TBC1D5: variants seen among roughly 807,000 people sequenced by gnomAD.
TBC1D5 encodes the protein TBC1 domain family member 5.
TBC1D5 carries 75 observed loss-of-function variants against 100.3 expected under a neutral mutation model. The observed-to-expected ratio is 0.75, with a 90% CI of 0.62 to 0.91. The LOEUF (loss-of-function observed/expected upper bound fraction) is 0.91, where lower values mean the gene tolerates loss of function less well. Among genes scored for constraint, TBC1D5 ranks in the 40% least tolerant of loss-of-function variants. The pLI is 0.00. For missense variants in TBC1D5, 910 were observed against 942.4 expected (o/e 0.97, Z 0.45); for synonymous variants, 323 against 325.6 (o/e 0.99, Z 0.09).
chr3:17,179,184 C>T (rs551770949), intron 19 of TBC1D5, among the ~76,000 whole-genome samples: 11 of 152,276 alleles, frequency 7.2e-5, no homozygotes, highest in Admixed American at 1.3e-4. Context: ...ACTCTGCTAC[C>T]CGCAATAAAA....
At chr3:17,354,788 A>G (rs146779858) in intron 13 of TBC1D5, among the ~76,000 whole-genome samples, 1 of 152,134 alleles carries the variant, frequency 6.6e-6, no homozygotes, top group African/African-American at 2.4e-5. Flanking sequence ...AAGAAGTCAA[A>G]GTGCATAATT....
intron 18 of TBC1D5, among the ~76,000 whole-genome samples, chr3:17,204,956 T>A (rs947104384): frequency 2.6e-5 from 4 of 152,194 alleles, no homozygotes; most frequent in African/African-American, 9.6e-5. Context: ...AGATATATAG[T>A]CTACTCTTCC....
intron 13 of TBC1D5, among the ~76,000 whole-genome samples, chr3:17,323,327 T>A (rs1443253197): frequency 1.3e-5 from 2 of 152,194 alleles, no homozygotes; most frequent in African/African-American, 2.4e-5. Context: ...TGTAGACACA[T>A]ATTCACCATG....
Position 17,177,220 on chromosome 3 carries a change from A to G in TBC1D5, c.1852+7889T>C, listed in dbSNP as rs928226488. 9.8e-5 allele frequency among the ~76,000 whole-genome samples: 15 copies of G among 152,342 alleles called. No homozygotes were observed. In the South Asian group the frequency reaches 3.1e-3, roughly 32 times the overall value. On this transcript the variant is annotated intron_variant, in intron 19 of 21. Coordinates refer to ENST00000253692, the Ensembl canonical transcript of TBC1D5. ...GAAAGCAAAATGATGAAAGTTGGAC[A>G]GTCTGTACTGAGGCCCTATTATTGG...
intron 3 of TBC1D5, among the ~76,000 whole-genome samples, chr3:17,493,393 T>C (rs182472741): frequency 1.2e-4 from 19 of 152,282 alleles, no homozygotes; most frequent in Admixed American, 1.2e-3. Context: ...ATTTTGACCT[T>C]GGAGAATCTG....
chr3:17,254,747 GTCTT>G, intron 16 of TBC1D5, among the ~76,000 whole-genome samples: 1 of 110,452 alleles, frequency 9.1e-6, no homozygotes, highest in South Asian at 3.7e-4. Flanking sequence ...CCTACCCTTT[GTCTT>G]TACCGTGGCG....
At chr3:17,492,277 T>A (rs1349047988) in intron 3 of TBC1D5, among the ~76,000 whole-genome samples, 1 of 152,186 alleles carries the variant, frequency 6.6e-6, no homozygotes, top group Non-Finnish European at 1.5e-5. Context: ...TGTGTCTCTA[T>A]CTCCTTCAGT....
At chr3:17,688,552 G>C (rs984181175) in intron 1 of TBC1D5, among the ~76,000 whole-genome samples, 2 of 152,176 alleles carry the variant, frequency 1.3e-5, no homozygotes, top group Non-Finnish European at 2.9e-5. Context: ...CAATGGCATG[G>C]AGCATCTACA....
At chr3:17,693,032 T>A (rs901959972) in intron 1 of TBC1D5, among the ~76,000 whole-genome samples, 4 of 151,996 alleles carry the variant, frequency 2.6e-5, no homozygotes, top group Admixed American at 6.6e-5. Flanking sequence ...GCCCTGGGAG[T>A]GTAAAGTCCT....
intron 4 of TBC1D5, among the ~76,000 whole-genome samples, chr3:17,420,618 C>A (rs1204911684): frequency 6.6e-6 from 1 of 152,012 alleles, no homozygotes; most frequent in Non-Finnish European, 1.5e-5. Flanking sequence ...TATTTTTGAA[C>A]CCTAATTCTA....
chr3:17,184,305 A>G (rs2068764556), intron 19 of TBC1D5, among the ~76,000 whole-genome samples: 1 of 152,254 alleles, frequency 6.6e-6, no homozygotes, highest in African/African-American at 2.4e-5. Context: ...AAGGTCATGC[A>G]TTTCAGGCAG....
intron 1 of TBC1D5, among the ~76,000 whole-genome samples, chr3:17,646,622 T>C (rs952737031): frequency 6.6e-6 from 1 of 152,164 alleles, no homozygotes; most frequent in Non-Finnish European, 1.5e-5. Flanking sequence ...ATCACCATCA[T>C]GCCCCTGGAC....
intron 3 of TBC1D5, among the ~76,000 whole-genome samples, chr3:17,437,571 T>G (rs916620480): frequency 6.7e-6 from 1 of 149,780 alleles, no homozygotes; most frequent in Non-Finnish European, 1.5e-5. Context: ...CATGTGTGTG[T>G]GTGTGTGTGT....
At chr3:17,238,606 G>T (rs192828785) in intron 16 of TBC1D5, among the ~76,000 whole-genome samples, 187 bp from the exon 17 acceptor site, 41 of 152,206 alleles carry the variant, frequency 2.7e-4, no homozygotes, top group Non-Finnish European at 3.7e-4. Context: ...TAAAAACATA[G>T]CTTATGGAAA....
At chr3:17,412,153 C>T (rs2093944300) in intron 4 of TBC1D5, among the ~76,000 whole-genome samples, 1 of 151,900 alleles carries the variant, frequency 6.6e-6, no homozygotes, top group Non-Finnish European at 1.5e-5. Flanking sequence ...TCTGGTAGTA[C>T]AGAGGGGAAA....
chr3:17,718,546 G>A (rs144116481), intron 1 of TBC1D5, among the ~76,000 whole-genome samples: 2,419 of 152,236 alleles, frequency 0.016, 24 homozygotes, highest in Non-Finnish European at 0.027. Context: ...GCAGTAAGCC[G>A]AGATCGCGCC....
At chr3:17,535,722 G>A (rs533140332) in intron 2 of TBC1D5, among the ~76,000 whole-genome samples, 3 of 152,132 alleles carry the variant, frequency 2.0e-5, no homozygotes, top group Non-Finnish European at 4.4e-5. Flanking sequence ...GCGGGATGGG[G>A]AGGAGGGAGA....
intron 13 of TBC1D5, among the ~76,000 whole-genome samples, chr3:17,349,731 T>A (rs1006658524): frequency 2.6e-5 from 4 of 152,228 alleles, no homozygotes; most frequent in African/African-American, 9.6e-5. Flanking sequence ...TGTCTTCAGC[T>A]GCAGAAGAGC....
At chr3:17,199,117 C>CA (rs954388292) in intron 18 of TBC1D5, among the ~76,000 whole-genome samples, 15 of 152,072 alleles carry the variant, frequency 9.9e-5, no homozygotes, top group African/African-American at 3.6e-4. Context: ...CAATTTCTGG[C>CA]AAAAAAATTA....
Sources: gnomAD v4.1 joint callset for allele counts (sites outside exome capture counted in the v4.1 genomes callset) on GRCh38, gnomAD v4.1.1 for gene constraint, MANE v1.5 for transcripts, NCBI Gene and HGNC (gene_info 2026-07-23, HGNC 2026-07-21) for gene names.